Variants in OSBPL6 observed in about 807,000 individuals in gnomAD.
The protein encoded by OSBPL6 is oxysterol binding protein like 6, also known as oxysterol-binding protein-related protein 6.
OSBPL6 carries 49 observed loss-of-function variants against 125.8 expected under a neutral mutation model. That is an observed-to-expected ratio of 0.39 (90% CI 0.31 to 0.49). OSBPL6 has a LOEUF of 0.49. OSBPL6 is among the 20% of genes least tolerant of loss of function. The pLI is 0.88. For missense variants in OSBPL6, 986 were observed against 1,135.4 expected, an observed-to-expected ratio of 0.87 and a Z score of 1.89; for synonymous variants, 394 against 391.8, an observed-to-expected ratio of 1.01 and a Z score of -0.07.
At chr2:178,277,404 G>C (rs907873744) in intron 1 of OSBPL6, among the ~76,000 whole-genome samples, 13 of 152,124 alleles carry the variant, frequency 8.5e-5, no homozygotes, top group African/African-American at 3.1e-4. Context: ...AAAAATCTTT[G>C]AATGGTTAAT....
At position 178,399,481 on chromosome 2, in the gene OSBPL6, A is replaced by T. The variant is rs1696035987; in HGVS notation, c.*3922A>T. The T allele has an allele frequency of 6.6e-6, 1 of 152,216 alleles. No individual in the cohort carries two copies. Among genetic ancestry groups the T allele is most frequent in the Non-Finnish European group, 1.5e-5 (1 of 68,022 alleles). 9.4% of individuals were successfully genotyped at this position (152,216 alleles called of 1,614,324 possible). On this transcript the variant is annotated 3_prime_UTR_variant, in exon 25 of 25. Coordinates refer to ENST00000190611, the MANE Select transcript of OSBPL6 (RefSeq NM_032523.4). ...GACTTTTTTTGTAGCTTTTGCTTTT[A>T]AAGAAGATGGCAAATTATCTAAGAA... is the stretch of plus-strand genomic sequence containing the variant.
At chr2:178,346,378 A>G (rs1022079329) in intron 11 of OSBPL6, among the ~76,000 whole-genome samples, 1 of 152,186 alleles carries the variant, frequency 6.6e-6, no homozygotes, top group Non-Finnish European at 1.5e-5. Context: ...CCTTAGACCT[A>G]CTGTGTAGAC....
chr2:178,222,583 C>T (rs2090388261), intron 1 of OSBPL6, among the ~76,000 whole-genome samples: 1 of 152,160 alleles, frequency 6.6e-6, no homozygotes. Flanking sequence ...GCGGAGCTTG[C>T]AGTGAGCAGA....
In OSBPL6 at chr2:178,294,716, A is replaced by ATTT. The variant is rs34851252; in HGVS notation, c.-156+9608_-156+9610dup. Among the ~76,000 whole-genome samples the ATTT allele has an allele frequency of 8.0e-3, 1,132 of 142,112 alleles. 13 individuals carry two copies. The highest frequency in any genetic ancestry group is 0.027 in the African/African-American group (1,059 of 38,688). The allele number at this position is 142,112 out of a possible 152,430, so 93.2% of individuals were successfully genotyped here. A position where few individuals can be genotyped will look rare whatever the true frequency, so the allele number is the denominator to read the frequency against. The stretch of plus-strand genomic sequence containing the variant: ...TAAGTTAGTTTCGGCCACCACAGCT[A>ATTT]TTTTTTTTTTTTTTTGGAACATTTC... On this transcript the variant is annotated intron_variant, in intron 2 of 24. Coordinates refer to ENST00000190611, the MANE Select transcript of OSBPL6 (RefSeq NM_032523.4).
chr2:178,273,467 C>A (rs1480549996), intron 1 of OSBPL6, among the ~76,000 whole-genome samples: 1 of 151,968 alleles, frequency 6.6e-6, no homozygotes. Context: ...GTATTCCCAG[C>A]TACTCGGGAG....
At chr2:178,222,001 C>G (rs1456801821) in intron 1 of OSBPL6, among the ~76,000 whole-genome samples, 1 of 152,156 alleles carries the variant, frequency 6.6e-6, no homozygotes, top group East Asian at 1.9e-4. Flanking sequence ...CAACTTTTCT[C>G]TCTCTTTTTC....
At chr2:178,318,171 C>T (rs1363975651) in intron 3 of OSBPL6, among the ~76,000 whole-genome samples, 1 of 152,186 alleles carries the variant, frequency 6.6e-6, no homozygotes, top group African/African-American at 2.4e-5. Flanking sequence ...TGCTGAACTA[C>T]TCTTTGCTAT....
intron 21 of OSBPL6, among the ~76,000 whole-genome samples, chr2:178,390,832 A>G (rs1397571868): frequency 2.6e-5 from 4 of 152,252 alleles, no homozygotes; most frequent in Admixed American, 2.0e-4. Flanking sequence ...TTGGGATAGA[A>G]GCTGAGCCTT....
At chr2:178,361,329 A>G (rs1490923182) in intron 12 of OSBPL6, among the ~76,000 whole-genome samples, 1 of 152,228 alleles carries the variant, frequency 6.6e-6, no homozygotes, top group Non-Finnish European at 1.5e-5. Flanking sequence ...CAAATATGAT[A>G]ATCAAATATG....
intron 20 of OSBPL6, among the ~76,000 whole-genome samples, chr2:178,388,807 GC>G (rs1159683225): frequency 1.3e-5 from 2 of 152,050 alleles, no homozygotes; most frequent in Non-Finnish European, 2.9e-5. Flanking sequence ...TTAGCACCTG[GC>G]CCATAGAAAG....
chr2:178,262,284 T>C lies in OSBPL6; in HGVS notation c.-350-22643T>C, dbSNP rs367884904. 3.3e-4 allele frequency among the ~76,000 whole-genome samples: 50 copies of C among 152,326 alleles called. 2 individuals are homozygous for C. The South Asian group carries it at 9.7e-3, about 30-fold the overall frequency. ...TCTCAAAACTATGTCAGTTTTCAAA[T>C]TGAATATCTTCAATAGTGAAGTAAA... On this transcript the variant is annotated intron_variant, in intron 1 of 24. Transcript: ENST00000190611.
At chr2:178,251,967 C>T (rs532043830) in intron 1 of OSBPL6, among the ~76,000 whole-genome samples, 97 of 152,222 alleles carry the variant, frequency 6.4e-4, no homozygotes, top group African/African-American at 2.3e-3. Context: ...TTAAGGACAC[C>T]TGAGGCTGAA....
chr2:178,282,541 C>T (rs952096274), intron 1 of OSBPL6, among the ~76,000 whole-genome samples: 1 of 152,200 alleles, frequency 6.6e-6, no homozygotes, highest in Admixed American at 6.5e-5. Flanking sequence ...ACAGGGGACT[C>T]TTTAGCTTGC....
chr2:178,269,368 C>T (rs2092322154), intron 1 of OSBPL6, among the ~76,000 whole-genome samples: 1 of 152,128 alleles, frequency 6.6e-6, no homozygotes, highest in African/African-American at 2.4e-5. Flanking sequence ...CTACTATGAA[C>T]AATTTGTCTT....
chr2:178,348,981 T>C (rs1402388355), intron 11 of OSBPL6, among the ~76,000 whole-genome samples: 6 of 152,222 alleles, frequency 3.9e-5, no homozygotes, highest in Admixed American at 1.3e-4. Context: ...TGTCATTCTA[T>C]AGTTATTTCT....
chr2:178,230,799 C>T (rs1380570690), intron 1 of OSBPL6, among the ~76,000 whole-genome samples: 1 of 152,072 alleles, frequency 6.6e-6, no homozygotes, highest in Admixed American at 6.5e-5. Flanking sequence ...CTGCCTTTTC[C>T]CTATACCTTA....
chr2:178,379,965 A>G (rs2154112358), intron 15 of OSBPL6, among the ~76,000 whole-genome samples: 1 of 152,350 alleles, frequency 6.6e-6, no homozygotes, highest in Non-Finnish European at 1.5e-5. Context: ...AACATTAGCA[A>G]TAAATCCAGA....
At chr2:178,329,903 G>A (rs1292657212) in intron 5 of OSBPL6, among the ~76,000 whole-genome samples, 1 of 152,148 alleles carries the variant, frequency 6.6e-6, no homozygotes, top group Non-Finnish European at 1.5e-5. Context: ...ACTTCCTTGA[G>A]GAAACATTTT....
rs200242929 is a variant in OSBPL6, at chr2:178,361,788, G to A, written c.1260G>A (p.Met420Ile). 24 of 1,614,128 alleles carry A rather than the reference G, an allele frequency of 1.5e-5. No individual in the cohort carries two copies. In the East Asian group the frequency reaches 4.9e-4, roughly 33 times the overall value. Reference sequence around the variant, plus strand: ...ACAGTAAAGGCCACAGCACGCAGATGGCACGGCTCCGACAGTCACTGTCTC... The same window carrying A: ...ACAGTAAAGGCCACAGCACGCAGATAGCACGGCTCCGACAGTCACTGTCTC... ...QDHSKGHSTQ[M>I]ARLRQSLSQA... The change falls in exon 13 of 25, where the codon ATG (methionine) becomes ATA (isoleucine). Residue 420 changes from methionine to isoleucine, a missense_variant. Met to Ile is a conservative substitution (Grantham distance 10). Coordinates refer to ENST00000190611, the MANE Select transcript of OSBPL6 (RefSeq NM_032523.4).
Sources: allele counts gnomAD v4.1 joint callset (sites outside exome capture counted in the v4.1 genomes callset), GRCh38; gene constraint gnomAD v4.1.1; transcripts MANE v1.5; gene names NCBI Gene and HGNC (gene_info 2026-07-23, HGNC 2026-07-21).